The following PVT1 variants were observed in gnomAD, a reference collection of about 807,000 sequenced individuals.
PVT1 encodes Pvt1 oncogene.
chr8:128,030,857 C>T (rs1363960606), intron 4 of PVT1, among the ~76,000 whole-genome samples: 1 of 152,208 alleles, frequency 6.6e-6, no homozygotes, highest in Non-Finnish European at 1.5e-5. Flanking sequence ...AGGACCATGT[C>T]AGATTGTCTT....
chr8:127,907,471 C>A (rs541207105), intron 3 of PVT1, among the ~76,000 whole-genome samples: 2 of 152,290 alleles, frequency 1.3e-5, no homozygotes, highest in East Asian at 3.9e-4. Flanking sequence ...TGTTCTCCTG[C>A]AGGGTCTCCG....
chr8:128,045,103 T>G (rs569113664), intron 4 of PVT1, among the ~76,000 whole-genome samples: 34 of 152,338 alleles, frequency 2.2e-4, no homozygotes, highest in Non-Finnish European at 3.7e-4. Flanking sequence ...GTTGTTCCAT[T>G]GTTCCCAGAT....
At chr8:128,073,585 C>T (rs1814027176) in intron 5 of PVT1, among the ~76,000 whole-genome samples, 1 of 152,162 alleles carries the variant, frequency 6.6e-6, no homozygotes, top group Non-Finnish European at 1.5e-5. Flanking sequence ...CTGGTCCATG[C>T]ATCAACCCAC....
At chr8:127,870,403 C>G (rs999522052) in intron 2 of PVT1, among the ~76,000 whole-genome samples, 5 of 152,208 alleles carry the variant, frequency 3.3e-5, no homozygotes, top group African/African-American at 1.2e-4. Context: ...TCTTGGACAT[C>G]TAGTCCCCAG....
At chr8:127,811,070 C>T (rs1426728976) in intron 2 of PVT1, among the ~76,000 whole-genome samples, 3 of 152,034 alleles carry the variant, frequency 2.0e-5, no homozygotes, top group Non-Finnish European at 4.4e-5. Flanking sequence ...AAGAAGTGTC[C>T]GGATTGGCAA....
intron 4 of PVT1, among the ~76,000 whole-genome samples, chr8:128,043,803 C>CACACACACACACACACACACAT (rs1554606714): frequency 8.4e-5 from 12 of 142,492 alleles, no homozygotes; most frequent in African/African-American, 2.6e-4. Context: ...CACACACACA[C>CACACACACACACACACACACAT]ATACACAAGG....
chr8:127,825,199 T>C (rs1814774080), intron 2 of PVT1, among the ~76,000 whole-genome samples: 1 of 151,966 alleles, frequency 6.6e-6, no homozygotes, highest in Non-Finnish European at 1.5e-5. Flanking sequence ...GGTGTATATG[T>C]CTGTGCATGT....
intron 4 of PVT1, among the ~76,000 whole-genome samples, chr8:128,018,580 G>A (rs531307273): frequency 3.3e-5 from 5 of 152,334 alleles, no homozygotes; most frequent in African/African-American, 7.2e-5. Flanking sequence ...GGAAAGTCTC[G>A]TCTTCAGGTG....
chr8:127,906,782 C>A (rs1263611709), intron 3 of PVT1, among the ~76,000 whole-genome samples: 1 of 151,984 alleles, frequency 6.6e-6, no homozygotes, highest in Admixed American at 6.6e-5. Context: ...TAATTGTTAC[C>A]CTTTATTGAG....
intron 2 of PVT1, among the ~76,000 whole-genome samples, chr8:127,860,325 G>A (rs1292324328): frequency 6.6e-6 from 1 of 152,208 alleles, no homozygotes; most frequent in African/African-American, 2.4e-5. Context: ...AAGTCTTCTC[G>A]AAGGCATCTT....
intron 3 of PVT1, among the ~76,000 whole-genome samples, chr8:127,974,224 C>T (rs1173849432): frequency 6.6e-6 from 1 of 152,166 alleles, no homozygotes; most frequent in African/African-American, 2.4e-5. Context: ...ATATATCACC[C>T]CATTGGTGCC....
At chr8:128,082,869 T>C (rs1814204911) in intron 5 of PVT1, 1 of 152,248 alleles carries the variant, frequency 6.6e-6, no homozygotes, top group Non-Finnish European at 1.5e-5. Context: ...TTTATAGCAT[T>C]GTTGAACTGT....
intron 2 of PVT1, among the ~76,000 whole-genome samples, chr8:127,812,446 TG>T (rs1814608478): frequency 6.6e-6 from 1 of 151,940 alleles, no homozygotes; most frequent in Admixed American, 6.6e-5. Context: ...CATGCACCTG[TG>T]GTCCCAGGAG....
intron 3 of PVT1, among the ~76,000 whole-genome samples, chr8:127,916,151 G>A (rs969306500): frequency 3.3e-5 from 5 of 152,236 alleles, no homozygotes; most frequent in African/African-American, 9.6e-5. Flanking sequence ...TTCCCTAAAT[G>A]TGCAGTGGGA....
At chr8:127,832,746 T>C (rs1814866930) in intron 2 of PVT1, among the ~76,000 whole-genome samples, 6 of 151,998 alleles carry the variant, frequency 3.9e-5, no homozygotes, top group Admixed American at 3.9e-4. Flanking sequence ...TAGTCCCAGC[T>C]ACTTGGGAGG....
Position 127,969,158 on chromosome 8 carries a change from T to C in PVT1, n.783-20004T>C, listed in dbSNP as rs538907663. ...GAATTGCATGTTTATAAGCGAACTT[T>C]GACACTTGCCTCTGCTGATATGGCT... On this transcript the variant is annotated intron_variant and non_coding_transcript_variant, in intron 3 of 10. Coordinates refer to ENST00000651587, the Ensembl canonical transcript of PVT1. 3.5e-4 allele frequency among the ~76,000 whole-genome samples: 53 copies of C among 152,346 alleles called. 1 individual carries two copies. In the South Asian group the frequency reaches 0.011, roughly 32 times the overall value.
chr8:128,092,953 C>T (rs1451729456), intron 5 of PVT1, among the ~76,000 whole-genome samples: 1 of 152,200 alleles, frequency 6.6e-6, no homozygotes, highest in Non-Finnish European at 1.5e-5. Context: ...ACGGTGCCCC[C>T]ACCTCCTGTG....
chr8:128,099,037 A>G (rs1257422877), intron 6 of PVT1, among the ~76,000 whole-genome samples: 1 of 152,322 alleles, frequency 6.6e-6, no homozygotes, highest in African/African-American at 2.4e-5. Context: ...TCATTACTAC[A>G]GGTTCATTAC....
chr8:128,045,402 C>T (rs150553892), intron 4 of PVT1, among the ~76,000 whole-genome samples: 107 of 152,344 alleles, frequency 7.0e-4, no homozygotes, highest in African/African-American at 2.5e-3. Flanking sequence ...TGTCTTCTGG[C>T]TTGTACCCCA....
Sources: allele counts gnomAD v4.1 joint callset (sites outside exome capture counted in the v4.1 genomes callset), GRCh38; gene constraint gnomAD v4.1.1; transcripts MANE v1.5; gene names NCBI Gene and HGNC (gene_info 2026-07-23, HGNC 2026-07-21).